PDE11A: variants seen among roughly 807,000 people sequenced by gnomAD.
The protein encoded by PDE11A is phosphodiesterase 11A.
PDE11A carries 100 observed loss-of-function variants against 100.5 expected under a neutral mutation model. That is an observed-to-expected ratio of 1.00 (90% confidence interval 0.85 to 1.18). PDE11A has a LOEUF of 1.18. Among genes scored for constraint, PDE11A ranks in the 50% most tolerant of loss-of-function variants. PDE11A has a pLI of 0.00. For synonymous variants in PDE11A, 381 were observed against 420.8 expected (o/e 0.91, Z 1.16); for missense variants, 1,141 against 1,152.6 (o/e 0.99, Z 0.15).
Position 177,711,436 on chromosome 2 carries a change from G to A in PDE11A, c.2153+333C>T, listed in dbSNP as rs150226984. Among the ~76,000 whole-genome samples the A allele has an allele frequency of 6.7e-3, 1,026 of 152,296 alleles. 34 individuals carry two copies. The highest frequency in any genetic ancestry group is 3.8e-3 in the Non-Finnish European group (261 of 68,030). Reference sequence around the variant, plus strand: ...TTTATTTTAACAGTCTCACACCAGAGTTTGAGAGTAGCAAGTCCAAGAAGC... The same window carrying A: ...TTTATTTTAACAGTCTCACACCAGAATTTGAGAGTAGCAAGTCCAAGAAGC... On this transcript the variant is annotated intron_variant, in intron 13 of 19. Coordinates refer to ENST00000286063, the MANE Select transcript of PDE11A (RefSeq NM_016953.4).
intron 9 of PDE11A, among the ~76,000 whole-genome samples, chr2:177,782,440 T>C (rs1326659601): frequency 6.6e-6 from 1 of 152,238 alleles, no homozygotes; most frequent in African/African-American, 2.4e-5. Context: ...CAAAGATTTC[T>C]GTAATCAGGT....
Position 177,851,136 on chromosome 2 carries a change from C to T in PDE11A, c.1368-10753G>A, listed in dbSNP as rs553986098. Among the ~76,000 whole-genome samples the T allele has an allele frequency of 6.9e-3, 1,038 of 151,388 alleles. 12 individuals are homozygous for T. The highest frequency in any genetic ancestry group is 0.024 in the African/African-American group (967 of 41,080). Reference sequence around the variant, plus strand: ...CAATAGCAAAGACTTGGAACCAACCCAAATGTCCAACAACGATAGACTGGA... The same window carrying T: ...CAATAGCAAAGACTTGGAACCAACCTAAATGTCCAACAACGATAGACTGGA... On this transcript the variant is annotated intron_variant, in intron 5 of 19. Transcript: ENST00000286063.
At chr2:177,710,369 G>T (rs2081341964) in intron 13 of PDE11A, among the ~76,000 whole-genome samples, 1 of 152,126 alleles carries the variant, frequency 6.6e-6, no homozygotes, top group Admixed American at 6.5e-5. Context: ...TGCGGGGGAG[G>T]CGGGGGAGCA....
chr2:177,680,930 AAG>A, intron 15 of PDE11A, 27 bp from the exon 16 acceptor site: 1 of 1,326,242 alleles, frequency 7.5e-7, no homozygotes, highest in Non-Finnish European at 1.1e-6. Context: ...TGAAGAAAGA[AAG>A]AAAAAAAAAA....
At chr2:177,998,808 C>A (rs2086109092) in intron 2 of PDE11A, 1 of 683,062 alleles carries the variant, frequency 1.5e-6, no homozygotes, top group Admixed American at 2.3e-5. Flanking sequence ...CCACTATCTT[C>A]ATCCTTGCCG....
Position 177,629,323 on chromosome 2 carries a change from TA to T in PDE11A, c.*83del. 8.0e-7 allele frequency: 1 copy of T among 1,243,772 alleles called. No individual in the cohort carries two copies. The highest frequency in any genetic ancestry group is 1.2e-5 in the South Asian group (1 of 83,558). The allele number at this position is 1,243,772 out of a possible 1,614,324, so 77.0% of individuals were successfully genotyped here. ...CTTGAGATGTTAGGTCTTTCTGAGCTAAAAGAACAAAAGGATGACATTGCTG... is the reference window on the plus strand; with the variant it reads ...CTTGAGATGTTAGGTCTTTCTGAGCTAAAGAACAAAAGGATGACATTGCTG... On this transcript the variant is annotated 3_prime_UTR_variant, in exon 20 of 20. Transcript: ENST00000286063.
intron 5 of PDE11A, among the ~76,000 whole-genome samples, chr2:177,874,490 C>G (rs1425561978): frequency 1.3e-5 from 2 of 152,076 alleles, no homozygotes; most frequent in Non-Finnish European, 1.5e-5. Context: ...CTAGAGGCAA[C>G]CAAAGAGAAT....
intron 6 of PDE11A, among the ~76,000 whole-genome samples, chr2:177,836,311 C>A (rs1163498827): frequency 6.6e-6 from 1 of 152,016 alleles, no homozygotes; most frequent in Admixed American, 6.5e-5. Flanking sequence ...GTAAATACAC[C>A]AATCAGCACT....
chr2:177,698,914 A>G (rs1318538933), intron 14 of PDE11A, among the ~76,000 whole-genome samples: 3 of 152,170 alleles, frequency 2.0e-5, no homozygotes, highest in Non-Finnish European at 4.4e-5. Flanking sequence ...AGCTATGGAA[A>G]AGCAGTCACC....
intron 19 of PDE11A, among the ~76,000 whole-genome samples, chr2:177,637,737 T>C (rs543187651): frequency 1.3e-5 from 2 of 151,012 alleles, no homozygotes; most frequent in South Asian, 2.1e-4. Context: ...ACTCTAATCA[T>C]ACATATTTAG....
intron 1 of PDE11A, among the ~76,000 whole-genome samples, chr2:178,015,848 G>T (rs1295448873): frequency 2.0e-5 from 3 of 152,134 alleles, no homozygotes; most frequent in Non-Finnish European, 2.9e-5. Flanking sequence ...ATGCTCCAAG[G>T]TAGATGATAA....
intron 5 of PDE11A, among the ~76,000 whole-genome samples, chr2:177,846,594 G>A (rs1284680408): frequency 6.6e-6 from 1 of 152,206 alleles, no homozygotes; most frequent in African/African-American, 2.4e-5. Flanking sequence ...ATTGGTTGCT[G>A]TTGGGACAGA....
At chr2:178,000,210 C>CA (rs2086127011) in intron 2 of PDE11A, among the ~76,000 whole-genome samples, 1 of 108,162 alleles carries the variant, frequency 9.2e-6, no homozygotes, top group African/African-American at 2.7e-5. Context: ...TTTCTGCCTT[C>CA]AATTCAGAAA....
chr2:177,941,124 G>A (rs549851661), intron 2 of PDE11A, among the ~76,000 whole-genome samples: 4 of 152,268 alleles, frequency 2.6e-5, no homozygotes, highest in East Asian at 1.9e-4. Flanking sequence ...GCTGAAAACC[G>A]TGCTAGGTGT....
chr2:177,810,016 T>C (rs1049844569), intron 9 of PDE11A, among the ~76,000 whole-genome samples: 1 of 152,162 alleles, frequency 6.6e-6, no homozygotes, highest in African/African-American at 2.4e-5. Context: ...TTCTTCATCC[T>C]CATCTAAGGA....
At chr2:177,854,278 G>C (rs2105656149) in intron 5 of PDE11A, among the ~76,000 whole-genome samples, 1 of 151,976 alleles carries the variant, frequency 6.6e-6, no homozygotes, top group South Asian at 2.1e-4. Context: ...AAATAAATAG[G>C]GGTAATGAGA....
chr2:178,015,714 C>G (rs2086326949), intron 1 of PDE11A, among the ~76,000 whole-genome samples: 1 of 151,726 alleles, frequency 6.6e-6, no homozygotes, highest in Non-Finnish European at 1.5e-5. Flanking sequence ...ATCATACCTT[C>G]AACTCACTTT....
chr2:177,807,961 T>TAG, intron 9 of PDE11A, among the ~76,000 whole-genome samples: 1 of 152,172 alleles, frequency 6.6e-6, no homozygotes, highest in Non-Finnish European at 1.5e-5. Flanking sequence ...CAATCACATC[T>TAG]CTTGGGGTAG....
intron 3 of PDE11A, chr2:177,899,410 A>G (rs2084664866): frequency 5.3e-6 from 1 of 187,254 alleles, no homozygotes; most frequent in Non-Finnish European, 1.2e-5. Flanking sequence ...CTTTCTAAAA[A>G]ACAAACAAAC....
Sources: allele counts gnomAD v4.1 joint callset (sites outside exome capture counted in the v4.1 genomes callset), GRCh38; gene constraint gnomAD v4.1.1; transcripts MANE v1.5; gene names NCBI Gene and HGNC (gene_info 2026-07-23, HGNC 2026-07-21).